EPS8: variants seen among roughly 807,000 people sequenced by gnomAD.
EPS8 encodes the protein EGFR pathway substrate 8, signaling adaptor, also known as epidermal growth factor receptor kinase substrate 8.
EPS8 carries 42 observed loss-of-function variants against 103.8 expected under a neutral mutation model. The observed-to-expected ratio is 0.40, with a 90% CI of 0.32 to 0.52. EPS8 has a LOEUF of 0.52. EPS8 is among the 20% of genes least tolerant of loss of function. The probability of loss-of-function intolerance (pLI) is 0.40; values close to 1 mark genes in which losing one functional copy is unlikely to be tolerated. For synonymous variants in EPS8, 344 were observed against 344.6 expected, an observed-to-expected ratio of 1.00 and a Z score of 0.02; for missense variants, 969 against 1,005.1, an observed-to-expected ratio of 0.96 and a Z score of 0.49.
intron 10 of EPS8, 28 bp from the exon 11 acceptor site, chr12:15,658,613 CA>C: frequency 6.9e-7 from 1 of 1,453,304 alleles, no homozygotes; most frequent in African/African-American, 1.4e-5. Flanking sequence ...AGGAGAGGAT[CA>C]GAGCAAAATC....
intron 1 of EPS8, among the ~76,000 whole-genome samples, chr12:15,686,595 T>A (rs1946099163): frequency 6.6e-6 from 1 of 152,098 alleles, no homozygotes; most frequent in African/African-American, 2.4e-5. Context: ...TAACACACTA[T>A]AATTTTCAAA....
At chr12:15,627,282 G>T (rs533299685) in intron 18 of EPS8, among the ~76,000 whole-genome samples, 6 of 152,260 alleles carry the variant, frequency 3.9e-5, no homozygotes, top group Admixed American at 3.9e-4. Context: ...GGGATTACAG[G>T]CATGAGCCAC....
In EPS8 at chr12:15,620,529, A is replaced by G. The variant is rs772115114; in HGVS notation, c.*788T>C. On this transcript the variant is annotated 3_prime_UTR_variant, in exon 21 of 21. Transcript: ENST00000281172. ...ATCAACATTCAGAACTGAGGCTTTC[A>G]TTAAGCAAAATACTGTAATGCACAC... 2.0e-5 allele frequency: 3 copies of G among 152,644 alleles called. No individual in the cohort carries two copies. Among genetic ancestry groups the G allele is most frequent in the Non-Finnish European group, 4.4e-5 (3 of 68,044 alleles). 9.5% of individuals were successfully genotyped at this position (152,644 alleles called of 1,614,324 possible).
chr12:15,720,027 T>C (rs886080935), intron 1 of EPS8, among the ~76,000 whole-genome samples: 1 of 152,216 alleles, frequency 6.6e-6, no homozygotes, highest in Non-Finnish European at 1.5e-5. Flanking sequence ...TAGAATGTAG[T>C]TGTAAAGAAT....
intron 1 of EPS8, among the ~76,000 whole-genome samples, chr12:15,707,354 C>A (rs78869182): frequency 0.011 from 1,633 of 152,216 alleles, 39 homozygotes; most frequent in African/African-American, 0.037. Flanking sequence ...AAGAAAACAG[C>A]CCAATGGCTA....
intron 1 of EPS8, among the ~76,000 whole-genome samples, chr12:15,686,375 G>A (rs1271703247): frequency 6.6e-6 from 1 of 152,164 alleles, no homozygotes; most frequent in East Asian, 1.9e-4. Flanking sequence ...ATTTTTGACT[G>A]AGTGGGGGTC....
intron 1 of EPS8, among the ~76,000 whole-genome samples, chr12:15,744,768 C>T (rs1008085436): frequency 4.6e-5 from 7 of 152,140 alleles, no homozygotes; most frequent in African/African-American, 1.7e-4. Flanking sequence ...ATAGTACAAA[C>T]AAGAATTTAA....
intron 1 of EPS8, among the ~76,000 whole-genome samples, chr12:15,783,907 A>G (rs1440295031): frequency 6.6e-6 from 1 of 152,098 alleles, no homozygotes; most frequent in Non-Finnish European, 1.5e-5. Context: ...TTTATAATCT[A>G]TTAATTTAAA....
chr12:15,621,944 G>A lies in EPS8; in HGVS notation c.2356-514C>T, dbSNP rs1325853157. On this transcript the variant is annotated intron_variant, in intron 20 of 20. Transcript: ENST00000281172. ...GGCAACACAGGCAAATAATCTAAAA[G>A]ATTAACTAGATCCAAGGAAAGGGTG... 2.0e-5 allele frequency among the ~76,000 whole-genome samples: 3 copies of A among 152,058 alleles called. No individual in the cohort carries two copies. In the East Asian group the frequency reaches 5.8e-4, roughly 29 times the overall value.
rs888410436 is a variant in EPS8 at position 15,716,458 on chromosome 12, T to A, written c.-21-33486A>T. ...TAGTCATTCATATCCATACACAGGA[T>A]ATCAATGATAGTGGAACAATTCTAA... On this transcript the variant is annotated intron_variant, in intron 1 of 20. Transcript: ENST00000281172. This position sits in a 1 kb window ranked among gnomAD's most constrained non-coding sequence, Gnocchi z 5.0. Among the ~76,000 whole-genome samples the A allele has an allele frequency of 6.6e-6, 1 of 152,178 alleles. No individual in the cohort carries two copies. The highest frequency in any genetic ancestry group is 1.5e-5 in the Non-Finnish European group (1 of 68,034).
At position 15,785,374 on chromosome 12, in the gene EPS8, T is replaced by C. The variant is rs1285131962; in HGVS notation, c.-22+3787A>G. ...CAATTCCAATGCTGCTATACATCTA[T>C]GATAGAAATGAATGATTAAGCAAAT... On this transcript the variant is annotated intron_variant, in intron 1 of 20. Coordinates refer to ENST00000281172, the MANE Select transcript of EPS8 (RefSeq NM_004447.6). The surrounding 1 kb of genome is among the most constrained non-coding windows in gnomAD (Gnocchi z 4.9). 6.6e-6 allele frequency among the ~76,000 whole-genome samples: 1 copy of C among 152,088 alleles called. No individual in the cohort carries two copies. Among genetic ancestry groups the C allele is most frequent in the Non-Finnish European group, 1.5e-5 (1 of 67,946 alleles).
rs370107218 is a variant in EPS8, at chr12:15,784,648, C to T, written c.-22+4513G>A. Among the ~76,000 whole-genome samples the T allele has an allele frequency of 3.2e-4, 48 of 152,230 alleles. No individual in the cohort carries two copies. Among genetic ancestry groups the T allele is most frequent in the African/African-American group, 1.1e-3 (45 of 41,570 alleles). ...ATCGCACTTCTAGATATTTATCCAA[C>T]GGATATAAGAACTTATGTCTACCCA... On this transcript the variant is annotated intron_variant, in intron 1 of 20. Coordinates refer to ENST00000281172, the MANE Select transcript of EPS8 (RefSeq NM_004447.6). The surrounding 1 kb of genome is among the most constrained non-coding windows in gnomAD (Gnocchi z 4.0).
At chr12:15,720,615 T>C (rs16911184) in intron 1 of EPS8, among the ~76,000 whole-genome samples, 5,500 of 152,318 alleles carry the variant, frequency 0.036, 172 homozygotes, top group Non-Finnish European at 0.057. Flanking sequence ...AATCTGGTCG[T>C]GTTATTTACT....
intron 6 of EPS8, among the ~76,000 whole-genome samples, chr12:15,668,137 T>G (rs1945749212): frequency 6.6e-6 from 1 of 152,176 alleles, no homozygotes; most frequent in African/African-American, 2.4e-5. Context: ...CTTACAAAAA[T>G]TATAATATAC....
chr12:15,744,296 C>T (rs552984997), intron 1 of EPS8, among the ~76,000 whole-genome samples: 1 of 152,304 alleles, frequency 6.6e-6, no homozygotes, highest in Non-Finnish European at 1.5e-5. Context: ...TCTCTTCCTT[C>T]CTCTTTCACC....
chr12:15,637,222 T>C (rs1228956830), intron 17 of EPS8, among the ~76,000 whole-genome samples: 1 of 152,236 alleles, frequency 6.6e-6, no homozygotes, highest in African/African-American at 2.4e-5. Flanking sequence ...GGTTTTGCCA[T>C]GTTGGCCAGG....
At position 15,624,397 on chromosome 12, in the gene EPS8, A is replaced by G; in HGVS notation, c.2055T>C (p.Ser685=). Residue 685 remains serine (S), a synonymous_variant, in exon 19 of 21, where the codon TCT becomes TCC. Transcript: ENST00000281172. ...HKQLPVDRRK[S]QMEEVQDELI... ...GTTCATCTTGCACTTCCTCCATCTGAGATTTCCTTCCTAGACACCAACAGG... is the reference window on the plus strand; with the variant it reads ...GTTCATCTTGCACTTCCTCCATCTGGGATTTCCTTCCTAGACACCAACAGG... 1 of 1,563,362 alleles carries G rather than the reference A, an allele frequency of 6.4e-7. No homozygotes were observed. Among genetic ancestry groups the G allele is most frequent in the Non-Finnish European group, 8.7e-7 (1 of 1,151,636 alleles).
At chr12:15,675,561 G>C (rs575037864) in intron 3 of EPS8, among the ~76,000 whole-genome samples, 4 of 152,062 alleles carry the variant, frequency 2.6e-5, no homozygotes, top group Admixed American at 2.0e-4. Context: ...ACTGTGCCAC[G>C]GCACTCCAGC....
chr12:15,676,054 C>CA (rs1015932936), intron 3 of EPS8, among the ~76,000 whole-genome samples: 4 of 151,992 alleles, frequency 2.6e-5, no homozygotes, highest in African/African-American at 9.7e-5. Flanking sequence ...GGGCAGATCT[C>CA]AAGGTCAGGA....
Sources: allele counts gnomAD v4.1 joint callset (sites outside exome capture counted in the v4.1 genomes callset), GRCh38; gene constraint gnomAD v4.1.1; non-coding constraint Gnocchi (gnomAD v3.1); transcripts MANE v1.5; gene names NCBI Gene and HGNC (gene_info 2026-07-23, HGNC 2026-07-21).